Variants in KMT2E observed in about 807,000 individuals in gnomAD.
KMT2E encodes the protein histone reader KMT2E.
KMT2E carries 30 observed loss-of-function variants against 184.6 expected under a neutral mutation model. That is an observed-to-expected ratio of 0.16 (90% CI 0.12 to 0.22). The LOEUF is 0.22. Among genes scored for constraint, KMT2E ranks in the 10% least tolerant of loss-of-function variants. The pLI is 1.00. For missense variants in KMT2E, 2,023 were observed against 2,237.4 expected (o/e 0.90, Z 1.93); for synonymous variants, 815 against 776.5 (o/e 1.05, Z -0.82).
At chr7:105,100,907 A>G (rs1186204538) in intron 15 of KMT2E, among the ~76,000 whole-genome samples, 1 of 152,164 alleles carries the variant, frequency 6.6e-6, no homozygotes, top group Admixed American at 6.5e-5. Flanking sequence ...TGTCTCAGAA[A>G]GGTTAACTTG....
At chr7:105,068,243 A>C (rs930530304) in intron 6 of KMT2E, among the ~76,000 whole-genome samples, 15 of 151,516 alleles carry the variant, frequency 9.9e-5, no homozygotes, top group Admixed American at 9.9e-4. Flanking sequence ...AGGCTTGATC[A>C]GATTTAGGTT....
At chr7:105,051,410 C>G (rs899600348) in intron 3 of KMT2E, among the ~76,000 whole-genome samples, 2 of 151,936 alleles carry the variant, frequency 1.3e-5, no homozygotes, top group African/African-American at 4.8e-5. Flanking sequence ...GTCTCAAACT[C>G]CCGACCTCAG....
chr7:105,051,337 C>T (rs1477140001), intron 3 of KMT2E, among the ~76,000 whole-genome samples: 1 of 152,062 alleles, frequency 6.6e-6, no homozygotes, highest in African/African-American at 2.4e-5. Flanking sequence ...AGGCATGCGC[C>T]ATCATGCCCA....
intron 1 of KMT2E, among the ~76,000 whole-genome samples, chr7:105,026,020 G>A (rs190912035): frequency 3.3e-5 from 5 of 152,226 alleles, no homozygotes; most frequent in Admixed American, 2.0e-4. Flanking sequence ...CTAGTCAGGG[G>A]AGCTATACTC....
chr7:105,041,799 C>T (rs1237769049), intron 3 of KMT2E, among the ~76,000 whole-genome samples: 1 of 152,114 alleles, frequency 6.6e-6, no homozygotes, highest in Non-Finnish European at 1.5e-5. Flanking sequence ...GTTCTTTTTT[C>T]ATCCAGTGCT....
rs752920772 is a variant in KMT2E at position 105,109,146 on chromosome 7, A to G, written c.3673A>G (p.Asn1225Asp). The change falls in exon 23 of 27, where the codon AAT (asparagine) becomes GAT (aspartate). Residue 1225 changes from asparagine to aspartate, a missense_variant. Physicochemically the swap from Asn to Asp is conservative, Grantham distance 23 (BLOSUM62 1). Coordinates refer to ENST00000311117, the MANE Select transcript of KMT2E (RefSeq NM_182931.3). ...TTTACCAACACCAGCTACAGTTTAT[A>G]ATGCCACTTCTGAAGAAACTAGCAA... Reference protein sequence around the residue: ...LPLPTPATVYNATSEETSNNC... With the variant: ...LPLPTPATVYDATSEETSNNC... The G allele has an allele frequency of 1.2e-5, 19 of 1,614,040 alleles. No individual in the cohort carries two copies. The highest frequency in any genetic ancestry group is 1.4e-5 in the Non-Finnish European group (17 of 1,180,006).
chr7:105,091,188 G>T (rs1176069685), intron 14 of KMT2E, 28 bp from the exon 15 acceptor site: 1 of 1,024,374 alleles, frequency 9.8e-7, no homozygotes, highest in Admixed American at 1.8e-5. Context: ...ATAATAGTTT[G>T]TATAAAGAAG....
intron 3 of KMT2E, among the ~76,000 whole-genome samples, chr7:105,058,817 G>A (rs1366621480): frequency 6.6e-6 from 1 of 152,084 alleles, no homozygotes; most frequent in Non-Finnish European, 1.5e-5. Flanking sequence ...TTGAATTCTT[G>A]GAGTATGCAA....
intron 3 of KMT2E, among the ~76,000 whole-genome samples, chr7:105,059,975 G>GTTGTTTTTTTTTTTT (rs1328146539): frequency 2.2e-5 from 1 of 45,616 alleles, no homozygotes; most frequent in Non-Finnish European, 5.5e-5. Flanking sequence ...TTTTCTTGTT[G>GTTGTTTTTTTTTTTT]TTGTTTTTTT....
At chr7:105,054,510 A>ATCTG (rs1303873735) in intron 3 of KMT2E, among the ~76,000 whole-genome samples, 35 of 108,544 alleles carry the variant, frequency 3.2e-4, no homozygotes, top group African/African-American at 9.7e-4. Context: ...CTATCTATCT[A>ATCTG]TCTATCTGTC....
At position 105,111,769 on chromosome 7, in the gene KMT2E, A is replaced by G. The variant is rs1799297599; in HGVS notation, c.4069-56A>G. On this transcript the variant is annotated intron_variant, in intron 26 of 26. Coordinates refer to ENST00000311117, the MANE Select transcript of KMT2E (RefSeq NM_182931.3). Reference sequence around the variant, plus strand: ...TAGTATTAAATACCAACAAGAATAAACCTCAAGGTACACAAAATGTTCCTT... The same window carrying G: ...TAGTATTAAATACCAACAAGAATAAGCCTCAAGGTACACAAAATGTTCCTT... The G allele has an allele frequency of 3.9e-6, 6 of 1,530,336 alleles. No homozygotes were observed. In the South Asian group the frequency reaches 6.6e-5, roughly 17 times the overall value. The allele number at this position is 1,530,336 out of a possible 1,614,324, so 94.8% of individuals were successfully genotyped here. A position where few individuals can be genotyped will look rare whatever the true frequency, so the allele number is the denominator to read the frequency against.
In KMT2E at chr7:105,109,144, A is replaced by C; in HGVS notation, c.3671A>C (p.Tyr1224Ser). The C allele has an allele frequency of 6.2e-7, 1 of 1,614,192 alleles. No individual in the cohort carries two copies. The highest frequency in any genetic ancestry group is 8.5e-7 in the Non-Finnish European group (1 of 1,180,004). Residue 1224 changes from tyrosine (Y) to serine (S), a missense_variant, in exon 23 of 27, where the codon TAT (tyrosine) becomes TCT (serine). Coordinates refer to ENST00000311117, the MANE Select transcript of KMT2E (RefSeq NM_182931.3). Reference sequence around the variant, plus strand: ...CCTTTACCAACACCAGCTACAGTTTATAATGCCACTTCTGAAGAAACTAGC... The same window carrying C: ...CCTTTACCAACACCAGCTACAGTTTCTAATGCCACTTCTGAAGAAACTAGC... ...SLPLPTPATV[Y>S]NATSEETSNN... is the part of the protein sequence containing the mutation.
chr7:105,076,879 T>C (rs1797549426), intron 9 of KMT2E, 84 bp from the exon 10 acceptor site: 1 of 239,208 alleles, frequency 4.2e-6, no homozygotes, highest in Non-Finnish European at 7.6e-6. Context: ...ATTTTGTGTG[T>C]GTGTGTGTGT....
rs907044679 is a variant in KMT2E, at chr7:105,101,759, G to A, written c.1888-127G>A. 1.4e-5 allele frequency: 14 copies of A among 977,028 alleles called. No homozygotes were observed. In the African/African-American group the frequency reaches 1.7e-4, roughly 12 times the overall value. The allele number at this position is 977,028 out of a possible 1,614,324, so 60.5% of individuals were successfully genotyped here. On this transcript the variant is annotated intron_variant, in intron 16 of 26. Transcript: ENST00000311117. ...AGATAAAAGACTATATATTATCTCT[G>A]TTCTTTATTATATATCAGAATTCAA...
intron 1 of KMT2E, among the ~76,000 whole-genome samples, chr7:105,025,717 A>G (rs989926940): frequency 1.3e-5 from 2 of 152,220 alleles, no homozygotes; most frequent in African/African-American, 4.8e-5. Context: ...TCTACTAAGT[A>G]TTACGTAAAC....
intron 12 of KMT2E, among the ~76,000 whole-genome samples, chr7:105,080,098 C>T (rs565682633): frequency 6.6e-5 from 10 of 151,638 alleles, no homozygotes; most frequent in Admixed American, 1.3e-4. Context: ...CCTCCTGCCT[C>T]GGCCTCCCTA....
chr7:105,090,020 T>C lies in KMT2E; in HGVS notation c.1370T>C (p.Val457Ala). The C allele has an allele frequency of 6.2e-7, 1 of 1,610,130 alleles. No homozygotes were observed. Among genetic ancestry groups the C allele is most frequent in the Non-Finnish European group, 8.5e-7 (1 of 1,178,374 alleles). Residue 457 changes from valine (V) to alanine (A), a missense_variant, in exon 14 of 27, where the codon GTG (valine) becomes GCG (alanine). Transcript: ENST00000311117. ...GGTTATCTTTCCAGTAAGTACAAGG[T>C]GGACTGTGCATGCCTCAAAGAAAAC... is the stretch of plus-strand genomic sequence containing the variant. ...DFDYGNCKYK[V>A]DCACLKENPE...
intron 6 of KMT2E, among the ~76,000 whole-genome samples, chr7:105,068,175 T>G (rs1179250635): frequency 1.3e-5 from 2 of 152,216 alleles, no homozygotes; most frequent in Non-Finnish European, 2.9e-5. Flanking sequence ...GCCAGTTGTA[T>G]TCCCATGATT....
At chr7:105,101,638 AT>A (rs779793765) in intron 16 of KMT2E, 49 bp downstream of exon 16, 69 of 1,390,802 alleles carry the variant, frequency 5.0e-5, no homozygotes, top group Non-Finnish European at 6.5e-5. Flanking sequence ...TTAAAATAAA[AT>A]GTCTATACTT....
Sources: allele counts gnomAD v4.1 joint callset (sites outside exome capture counted in the v4.1 genomes callset), GRCh38; gene constraint gnomAD v4.1.1; transcripts MANE v1.5; gene names NCBI Gene and HGNC (gene_info 2026-07-23, HGNC 2026-07-21).